The following ADAMTSL1 variants were observed in gnomAD, a reference collection of about 807,000 sequenced individuals.
ADAMTSL1 encodes ADAMTS-like protein 1.
In ADAMTSL1, 126 loss-of-function variants were observed where a neutral mutation model predicts 201.8. The ratio of observed to expected loss-of-function variants is 0.62; its 90% CI spans 0.54 to 0.72. The LOEUF (loss-of-function observed/expected upper bound fraction) is 0.72. Among genes scored for constraint, ADAMTSL1 ranks in the 30% least tolerant of loss-of-function variants. ADAMTSL1 has a pLI of 0.00. For missense variants in ADAMTSL1, 2,679 were observed against 2,277.8 expected, an observed-to-expected ratio of 1.18 and a Z score of -3.59; for synonymous variants, 1,121 against 903.4, an observed-to-expected ratio of 1.24 and a Z score of -4.32.
chr9:18,391,824 C>CTTTTTTTT (rs11407945), intron 2 of ADAMTSL1, among the ~76,000 whole-genome samples: 5 of 116,738 alleles, frequency 4.3e-5, no homozygotes, highest in African/African-American at 9.7e-5. Flanking sequence ...TCTTTTCTTT[C>CTTTTTTTT]TTTTTTTTTT....
At chr9:18,892,624 A>G (rs1299435214) in intron 26 of ADAMTSL1, 28 bp downstream of exon 26, 2 of 1,548,060 alleles carry the variant, frequency 1.3e-6, no homozygotes, top group South Asian at 2.4e-5. Flanking sequence ...TTGTTATTTG[A>G]AAGCTAAATC....
intron 2 of ADAMTSL1, among the ~76,000 whole-genome samples, chr9:18,237,553 A>C (rs1054165782): frequency 6.6e-6 from 1 of 152,192 alleles, no homozygotes; most frequent in Admixed American, 6.5e-5. Flanking sequence ...CTACTATACA[A>C]ACCTAATAAA....
At chr9:18,603,698 T>G (rs533842352) in intron 4 of ADAMTSL1, among the ~76,000 whole-genome samples, 29 of 152,338 alleles carry the variant, frequency 1.9e-4, no homozygotes, top group Non-Finnish European at 3.4e-4. Context: ...CTATTCTTTT[T>G]TTATTATAGT....
chr9:18,844,225 T>C (rs1397841633), intron 23 of ADAMTSL1, among the ~76,000 whole-genome samples: 6 of 152,280 alleles, frequency 3.9e-5, no homozygotes, highest in East Asian at 1.9e-4. Flanking sequence ...TGTGGATGTC[T>C]TTTCTGTTTG....
At chr9:18,377,674 A>C (rs896140081) in intron 2 of ADAMTSL1, among the ~76,000 whole-genome samples, 1 of 152,026 alleles carries the variant, frequency 6.6e-6, no homozygotes, top group African/African-American at 2.4e-5. Flanking sequence ...GGTTCAAGCA[A>C]TTCTGCCTGA....
chr9:18,610,535 G>T (rs1168753323), intron 4 of ADAMTSL1, among the ~76,000 whole-genome samples: 1 of 152,068 alleles, frequency 6.6e-6, no homozygotes, highest in Non-Finnish European at 1.5e-5. Flanking sequence ...AAGGAAAAAG[G>T]GTTATATTTG....
At chr9:18,606,966 C>T (rs1825059443) in intron 4 of ADAMTSL1, among the ~76,000 whole-genome samples, 1 of 152,146 alleles carries the variant, frequency 6.6e-6, no homozygotes, top group Non-Finnish European at 1.5e-5. Context: ...TTTGTGGCTT[C>T]CAGCTGTGAA....
chr9:18,847,349 G>A (rs921296605), intron 23 of ADAMTSL1, among the ~76,000 whole-genome samples: 2 of 152,164 alleles, frequency 1.3e-5, no homozygotes, highest in African/African-American at 4.8e-5. Context: ...CACACTTACT[G>A]AGTTCCTTCC....
rs149955806 is a variant in ADAMTSL1 at position 18,080,673 on chromosome 9, C to G, written c.88-83189C>G. On this transcript the variant is annotated intron_variant, in intron 1 of 29. Coordinates refer to the ADAMTSL1 transcript ENST00000680146. ...GCTATTACTTTATGAGACAAACCCA[C>G]TATGTGTTAGACATTATTTTCTCCA... 8.4e-4 allele frequency among the ~76,000 whole-genome samples: 128 copies of G among 152,302 alleles called. 1 individual carries two copies. The East Asian group carries it at 0.016, about 19-fold the overall frequency.
intron 1 of ADAMTSL1, among the ~76,000 whole-genome samples, chr9:17,947,791 C>A (rs528252047): frequency 2.0e-5 from 3 of 152,228 alleles, no homozygotes; most frequent in African/African-American, 7.2e-5. Context: ...CTTATGTGCA[C>A]AAGAAATCTT....
At chr9:18,248,470 T>C (rs1307186487) in intron 2 of ADAMTSL1, among the ~76,000 whole-genome samples, 1 of 151,978 alleles carries the variant, frequency 6.6e-6, no homozygotes, top group African/African-American at 2.4e-5. Context: ...TTCTATGTTA[T>C]TTGAGAAATA....
At position 18,083,491 on chromosome 9, in the gene ADAMTSL1, G is replaced by C. The variant is rs76602810; in HGVS notation, c.88-80371G>C. On this transcript the variant is annotated intron_variant, in intron 1 of 29. Transcript: ENST00000680146. ...CATCACCCAAGAAAAATGTATGTCT[G>C]TTTTTAATGTTGATATTTAGCCTTT... 1.9e-3 allele frequency among the ~76,000 whole-genome samples: 291 copies of C among 152,304 alleles called. 2 individuals carry two copies. Among genetic ancestry groups the C allele is most frequent in the African/African-American group, 6.8e-3 (283 of 41,568 alleles).
intron 1 of ADAMTSL1, among the ~76,000 whole-genome samples, chr9:17,924,532 C>T (rs1429252528): frequency 1.6e-5 from 2 of 124,502 alleles, no homozygotes; most frequent in Admixed American, 7.5e-5. Flanking sequence ...CAGAACAGAG[C>T]CCTCAGAAAT....
At chr9:17,914,252 C>T (rs1323250614) in intron 1 of ADAMTSL1, among the ~76,000 whole-genome samples, 3 of 152,128 alleles carry the variant, frequency 2.0e-5, no homozygotes, top group African/African-American at 7.2e-5. Flanking sequence ...CCTTGATGAA[C>T]ATTGATGCAA....
At chr9:18,889,113 C>CA (rs1008625964) in intron 24 of ADAMTSL1, among the ~76,000 whole-genome samples, 4 of 152,142 alleles carry the variant, frequency 2.6e-5, no homozygotes, top group African/African-American at 9.7e-5. Flanking sequence ...GTAACATTTG[C>CA]AAAGTCCAGC....
intron 2 of ADAMTSL1, among the ~76,000 whole-genome samples, chr9:18,290,779 GTGT>G (rs1563862787): frequency 6.6e-5 from 4 of 60,416 alleles, no homozygotes; most frequent in South Asian, 1.5e-3. Flanking sequence ...CTTTTTTTGT[GTGT>G]TTTTTTTTTT....
At chr9:17,915,705 C>T (rs1826065468) in intron 1 of ADAMTSL1, among the ~76,000 whole-genome samples, 1 of 152,148 alleles carries the variant, frequency 6.6e-6, no homozygotes. Flanking sequence ...GCATCCTTGC[C>T]AATACCTGGT....
chr9:18,197,662 A>G (rs1335000817), intron 2 of ADAMTSL1, among the ~76,000 whole-genome samples: 1 of 149,674 alleles, frequency 6.7e-6, no homozygotes, highest in African/African-American at 2.5e-5. Context: ...CTAATTGAAT[A>G]CCCTTTATTT....
Position 18,826,192 on chromosome 9 carries a change from A to AG in ADAMTSL1, c.3935-87dup, listed in dbSNP as rs532005354. The AG allele has an allele frequency of 5.2e-4, 753 of 1,443,684 alleles. 6 individuals carry two copies. The African/African-American group carries it at 7.2e-3, about 14-fold the overall frequency. The allele number at this position is 1,443,684 out of a possible 1,614,324, so 89.4% of individuals were successfully genotyped here. Reference sequence around the variant, plus strand: ...TGTCCCTGTAGAGCAGCCCCAGGGAAGGGGGATTCAAGAAGCTATAAATGC... The same window carrying AG: ...TGTCCCTGTAGAGCAGCCCCAGGGAAGGGGGGATTCAAGAAGCTATAAATGC... On this transcript the variant is annotated intron_variant, in intron 21 of 28. Transcript: ENST00000380548.
Sources: gnomAD v4.1 joint callset for allele counts (sites outside exome capture counted in the v4.1 genomes callset) on GRCh38, gnomAD v4.1.1 for gene constraint, MANE v1.5 for transcripts, NCBI Gene and HGNC (gene_info 2026-07-23, HGNC 2026-07-21) for gene names.